NDUFAF6: variants seen among roughly 807,000 people sequenced by gnomAD.
NDUFAF6 encodes NADH:ubiquinone oxidoreductase complex assembly factor 6.
In NDUFAF6, 45 loss-of-function variants were observed where a neutral mutation model predicts 40.8. The ratio of observed to expected loss-of-function variants is 1.10; its 90% CI spans 0.87 to 1.42. NDUFAF6 has a LOEUF of 1.42. Among genes scored for constraint, NDUFAF6 ranks in the 40% most tolerant of loss-of-function variants. The pLI is 0.00. For missense variants in NDUFAF6, 435 were observed against 418.5 expected, an observed-to-expected ratio of 1.04 and a Z score of -0.34; for synonymous variants, 185 against 155.9, an observed-to-expected ratio of 1.19 and a Z score of -1.39.
rs190932017 is a variant in NDUFAF6, at chr8:95,064,592, C to T, written c.*512-11041C>T. 1.9e-4 allele frequency among the ~76,000 whole-genome samples: 29 copies of T among 152,066 alleles called. No individual in the cohort carries two copies. In the East Asian group the frequency reaches 5.4e-3, roughly 28 times the overall value. On this transcript the variant is annotated intron_variant and NMD_transcript_variant, in intron 9 of 9. Coordinates refer to the NDUFAF6 transcript ENST00000520757. The stretch of plus-strand genomic sequence containing the variant: ...GCGTGCGTGTGCATGATTTCTGGCT[C>T]ATAACTCCCATAGCCCTTGTTACAG...
intron 4 of NDUFAF6, 106 bp from the exon 5 acceptor site, chr8:95,045,439 T>C (rs1172406123): frequency 2.6e-6 from 2 of 756,312 alleles, no homozygotes; most frequent in Non-Finnish European, 2.3e-6. Context: ...TAACATATAC[T>C]GAATATTTTT....
At chr8:94,937,517 G>A (rs1275384088) in intron 1 of NDUFAF6, among the ~76,000 whole-genome samples, 2 of 151,996 alleles carry the variant, frequency 1.3e-5, no homozygotes, top group East Asian at 3.9e-4. Context: ...AGATTTTCCT[G>A]TTTTTCTGGT....
chr8:95,063,428 G>T (rs1414954324), downstream of NDUFAF6, among the ~76,000 whole-genome samples: 1 of 151,946 alleles, frequency 6.6e-6, no homozygotes, highest in Admixed American at 6.6e-5. Flanking sequence ...ATGAAACCCT[G>T]TCTACTAAAA....
chr8:95,048,598 T>A (rs747923480), intron 7 of NDUFAF6, 40 bp downstream of exon 7: 2 of 1,371,022 alleles, frequency 1.5e-6, no homozygotes, highest in Non-Finnish European at 2.1e-6. Context: ...TAGGGAATAA[T>A]CATTTCTAGA....
At chr8:95,013,852 G>T (rs1827328246) in intron 2 of NDUFAF6, among the ~76,000 whole-genome samples, 1 of 152,154 alleles carries the variant, frequency 6.6e-6, no homozygotes, top group South Asian at 2.1e-4. Context: ...TTGGAAAGAG[G>T]TTCTTTGATC....
chr8:94,983,465 C>T (rs1825610154), intron 2 of NDUFAF6, among the ~76,000 whole-genome samples: 1 of 151,940 alleles, frequency 6.6e-6, no homozygotes, highest in African/African-American at 2.4e-5. Flanking sequence ...AAGTTTTCAG[C>T]ATGTTGGCCA....
At chr8:95,050,623 TGTTA>T (rs1259725513) in intron 7 of NDUFAF6, among the ~76,000 whole-genome samples, 15 of 152,298 alleles carry the variant, frequency 9.8e-5, no homozygotes, top group African/African-American at 3.4e-4. Flanking sequence ...ACATGAAATA[TGTTA>T]GTTTTCATCA....
intron 8 of NDUFAF6, among the ~76,000 whole-genome samples, chr8:95,052,459 C>T (rs1329316486): frequency 6.6e-6 from 1 of 152,162 alleles, no homozygotes; most frequent in African/African-American, 2.4e-5. Flanking sequence ...AGCCAGATTG[C>T]ATTGGCTTGA....
At chr8:95,017,867 A>T (rs1275150395) in intron 2 of NDUFAF6, among the ~76,000 whole-genome samples, 1 of 152,222 alleles carries the variant, frequency 6.6e-6, no homozygotes, top group East Asian at 1.9e-4. Flanking sequence ...GTCCCTAATT[A>T]AATGATGACA....
At chr8:94,963,944 G>A (rs1235073868) in intron 1 of NDUFAF6, among the ~76,000 whole-genome samples, 7 of 152,116 alleles carry the variant, frequency 4.6e-5, no homozygotes, top group Admixed American at 4.6e-4. Flanking sequence ...TTCACATTCA[G>A]CCCTCATCCT....
At chr8:95,014,828 C>T (rs1464618506) in intron 2 of NDUFAF6, among the ~76,000 whole-genome samples, 2 of 152,200 alleles carry the variant, frequency 1.3e-5, no homozygotes, top group Non-Finnish European at 2.9e-5. Context: ...TCTCTGTTGA[C>T]TTCATTTGCA....
chr8:94,948,732 T>C (rs1473372988), intron 2 of NDUFAF6, among the ~76,000 whole-genome samples: 1 of 151,604 alleles, frequency 6.6e-6, no homozygotes, highest in Admixed American at 6.6e-5. Flanking sequence ...GGCGGCCCCA[T>C]CCAACGGCCG....
chr8:94,920,240 A>T (rs1326705734), intron 1 of NDUFAF6, among the ~76,000 whole-genome samples: 1 of 152,208 alleles, frequency 6.6e-6, no homozygotes, highest in African/African-American at 2.4e-5. Flanking sequence ...AAAGATCCTA[A>T]CTAGGTGTCT....
chr8:94,930,566 T>C, intron 1 of NDUFAF6: 7 of 1,614,220 alleles, frequency 4.3e-6, no homozygotes, highest in African/African-American at 2.7e-5. Context: ...TGGTAAGATT[T>C]TGGCGACGAA....
intron 9 of NDUFAF6, among the ~76,000 whole-genome samples, chr8:95,069,488 A>T (rs1832782178): frequency 6.6e-6 from 1 of 151,802 alleles, no homozygotes; most frequent in Admixed American, 6.6e-5. Context: ...AATTAAAATT[A>T]TAAAATATTG....
Position 95,025,064 on chromosome 8 carries a change from G to C in NDUFAF6, c.56G>C (p.Gly19Ala), listed in dbSNP as rs1434847567. The C allele has an allele frequency of 7.0e-7, 1 of 1,434,348 alleles. No individual in the cohort carries two copies. Among genetic ancestry groups the C allele is most frequent in the Admixed American group, 3.0e-5 (1 of 33,610 alleles). The allele number at this position is 1,434,348 out of a possible 1,614,324, so 88.9% of individuals were successfully genotyped here. A position where few individuals can be genotyped will look rare whatever the true frequency, so the allele number is the denominator to read the frequency against. ...GGGCCGTTGCGGCTTGGCATCCCCG[G>C]CCTGTGCTGCCGCCGGCCGCCTCTG... Reference protein sequence around the residue: ...VWGPLRLGIPGLCCRRPPLGL... With the variant: ...VWGPLRLGIPALCCRRPPLGL... The change falls in exon 1 of 9, where the codon GGC becomes GCC. Residue 19 changes from glycine to alanine, a missense_variant. Gly to Ala is a moderately conservative substitution (Grantham distance 60). Transcript: ENST00000396124.
intron 1 of NDUFAF6, among the ~76,000 whole-genome samples, chr8:94,924,056 A>AGTTTT (rs937130427): frequency 4.0e-5 from 6 of 149,880 alleles, no homozygotes; most frequent in African/African-American, 1.2e-4. Context: ...GCTCTTCCTC[A>AGTTTT]GTTTTGTTTT....
chr8:94,957,707 C>T (rs1012873603), upstream of NDUFAF6, among the ~76,000 whole-genome samples: 4 of 152,094 alleles, frequency 2.6e-5, no homozygotes, highest in Non-Finnish European at 4.4e-5. Flanking sequence ...TTTGGAGTTA[C>T]GAGCTGAGGA....
chr8:95,047,876 C>A (rs1044072333), intron 6 of NDUFAF6, among the ~76,000 whole-genome samples: 1 of 151,490 alleles, frequency 6.6e-6, no homozygotes, highest in Non-Finnish European at 1.5e-5. Flanking sequence ...TCTTTTCTTG[C>A]TTGTATATTT....
Sources: allele counts gnomAD v4.1 joint callset (sites outside exome capture counted in the v4.1 genomes callset), GRCh38; gene constraint gnomAD v4.1.1; transcripts MANE v1.5; gene names NCBI Gene and HGNC (gene_info 2026-07-23, HGNC 2026-07-21).